The following GALNT17 variants were observed in gnomAD, a reference collection of about 807,000 sequenced individuals.
GALNT17 encodes the protein UDP-GalNAc:polypeptide N-acetylgalactosaminyltransferase-like 3.
A neutral mutation model predicts 63.7 loss-of-function variants in GALNT17; 29 were observed. The ratio of observed to expected loss-of-function variants is 0.46; its 90% CI spans 0.34 to 0.62. GALNT17 has a LOEUF of 0.62. GALNT17 is among the 20% of genes least tolerant of loss of function. GALNT17 has a pLI of 0.01. For missense variants in GALNT17, 603 were observed against 799.6 expected (o/e 0.75, Z 2.97); for synonymous variants, 305 against 318.3 (o/e 0.96, Z 0.45).
rs1402822169 is a variant in GALNT17, at chr7:71,712,194, T to C, written c.*48T>C. ...AGCCTGGCCCCCAGGACATGGCTGCTCCCCCCAACATCTGGACCAGCTGCC... is the reference window on the plus strand; with the variant it reads ...AGCCTGGCCCCCAGGACATGGCTGCCCCCCCCAACATCTGGACCAGCTGCC... On this transcript the variant is annotated 3_prime_UTR_variant, in exon 11 of 11. Transcript: ENST00000333538. 1 of 1,585,878 alleles carries C rather than the reference T, an allele frequency of 6.3e-7. No individual in the cohort carries two copies. The highest frequency in any genetic ancestry group is 8.6e-7 in the Non-Finnish European group (1 of 1,166,344).
chr7:71,263,429 A>G (rs1790422758), intron 1 of GALNT17, among the ~76,000 whole-genome samples: 1 of 152,178 alleles, frequency 6.6e-6, no homozygotes, highest in Non-Finnish European at 1.5e-5. Context: ...CTCCAGAACG[A>G]TGAGACAGTG....
At chr7:71,149,128 C>T (rs947732610) in intron 1 of GALNT17, among the ~76,000 whole-genome samples, 19 of 151,716 alleles carry the variant, frequency 1.3e-4, no homozygotes, top group East Asian at 3.9e-4. Flanking sequence ...CTGTGTTGCC[C>T]GGGACGCTCT....
intron 1 of GALNT17, among the ~76,000 whole-genome samples, chr7:71,269,634 T>TGG (rs1369403107): frequency 6.6e-6 from 1 of 152,142 alleles, no homozygotes; most frequent in Non-Finnish European, 1.5e-5. Context: ...GGGCCTAGAC[T>TGG]GGGGAGGGGC....
intron 1 of GALNT17, among the ~76,000 whole-genome samples, chr7:71,214,958 T>C (rs780444467): frequency 1.2e-4 from 18 of 152,224 alleles, no homozygotes; most frequent in Non-Finnish European, 1.5e-5. Context: ...CCTGCATTCA[T>C]TGAATTCTAC....
chr7:71,436,040 A>C (rs916011870), intron 5 of GALNT17, among the ~76,000 whole-genome samples: 1 of 151,248 alleles, frequency 6.6e-6, no homozygotes, highest in Non-Finnish European at 1.5e-5. Context: ...AAAAAAAAAA[A>C]AACAACTCTG....
In GALNT17 at chr7:71,178,472, C is replaced by T. The variant is rs145902435; in HGVS notation, c.238+45432C>T. The stretch of plus-strand genomic sequence containing the variant: ...AAGTTGTAGGCCTATTTCTTCACGT[C>T]TTTTCTGCCTTATTCTCTCTCTCCT... On this transcript the variant is annotated intron_variant, in intron 1 of 10. Transcript: ENST00000333538. Among the ~76,000 whole-genome samples, 570 of 152,234 alleles carry T rather than the reference C, an allele frequency of 3.7e-3. 2 individuals carry two copies. Among genetic ancestry groups the T allele is most frequent in the African/African-American group, 0.013 (545 of 41,556 alleles).
At chr7:71,653,112 T>C (rs1306824500) in intron 6 of GALNT17, among the ~76,000 whole-genome samples, 1 of 152,060 alleles carries the variant, frequency 6.6e-6, no homozygotes, top group Non-Finnish European at 1.5e-5. Context: ...GCTTCCCGGG[T>C]TCAAACAATT....
intron 1 of GALNT17, among the ~76,000 whole-genome samples, chr7:71,222,361 C>T (rs886648186): frequency 2.6e-5 from 4 of 152,090 alleles, no homozygotes; most frequent in African/African-American, 7.2e-5. Context: ...GGCTCGATCT[C>T]GGCTCACTGC....
chr7:71,583,013 C>G (rs189833721), intron 6 of GALNT17, among the ~76,000 whole-genome samples: 7 of 152,156 alleles, frequency 4.6e-5, no homozygotes, highest in African/African-American at 1.7e-4. Flanking sequence ...AAAATTGAAG[C>G]CTATCATCTT....
intron 1 of GALNT17, among the ~76,000 whole-genome samples, chr7:71,256,035 C>T (rs540181064): frequency 3.9e-5 from 6 of 152,292 alleles, no homozygotes; most frequent in Admixed American, 3.3e-4. Flanking sequence ...AATCTATTCT[C>T]CCTGAAGCCT....
intron 1 of GALNT17, among the ~76,000 whole-genome samples, chr7:71,151,729 T>A (rs953703139): frequency 1.3e-5 from 2 of 152,190 alleles, no homozygotes; most frequent in Non-Finnish European, 2.9e-5. Flanking sequence ...TACTTAACGC[T>A]GCTTCTTGGA....
At chr7:71,604,634 C>T (rs891110619) in intron 6 of GALNT17, among the ~76,000 whole-genome samples, 1 of 152,172 alleles carries the variant, frequency 6.6e-6, no homozygotes, top group African/African-American at 2.4e-5. Flanking sequence ...CGATACTACC[C>T]TATAATTTAT....
chr7:71,592,342 G>T (rs918176237), intron 6 of GALNT17, among the ~76,000 whole-genome samples: 5 of 151,792 alleles, frequency 3.3e-5, no homozygotes, highest in Admixed American at 6.6e-5. Flanking sequence ...GCTTAGGTGG[G>T]CTGGCTGCCA....
intron 5 of GALNT17, among the ~76,000 whole-genome samples, chr7:71,492,909 G>A (rs1428787651): frequency 6.6e-6 from 1 of 152,216 alleles, no homozygotes; most frequent in Non-Finnish European, 1.5e-5. Context: ...TTGGGGGCCA[G>A]GGGATCCGCT....
chr7:71,252,018 C>T (rs1453179302), intron 1 of GALNT17, among the ~76,000 whole-genome samples: 1 of 152,122 alleles, frequency 6.6e-6, no homozygotes. Context: ...AGAAGGTGCC[C>T]CTGCTGCCTC....
chr7:71,330,843 T>G (rs965672524), intron 1 of GALNT17, among the ~76,000 whole-genome samples: 1 of 152,188 alleles, frequency 6.6e-6, no homozygotes, highest in Admixed American at 6.5e-5. Context: ...TCCTCCTGTT[T>G]GGTGGAAATA....
chr7:71,615,370 T>TA (rs1790185885), intron 6 of GALNT17, among the ~76,000 whole-genome samples: 1 of 151,950 alleles, frequency 6.6e-6, no homozygotes, highest in South Asian at 2.1e-4. Flanking sequence ...GAGTCACTGA[T>TA]ACTGAGATCA....
At chr7:71,401,095 T>A (rs963662452) in intron 3 of GALNT17, among the ~76,000 whole-genome samples, 2 of 145,812 alleles carry the variant, frequency 1.4e-5, no homozygotes, top group African/African-American at 5.4e-5. Flanking sequence ...CTTTTTCTTT[T>A]TCTTTTTTTT....
intron 5 of GALNT17, among the ~76,000 whole-genome samples, chr7:71,460,250 G>C (rs4401728): frequency 0.95 from 145,261 of 152,270 alleles, 69,291 homozygotes; most frequent in Admixed American, 0.96. Flanking sequence ...ATATGTCTAT[G>C]AAATAGACAA....
Sources: allele counts gnomAD v4.1 joint callset (sites outside exome capture counted in the v4.1 genomes callset), GRCh38; gene constraint gnomAD v4.1.1; transcripts MANE v1.5; gene names NCBI Gene and HGNC (gene_info 2026-07-23, HGNC 2026-07-21).